Variants in ZDHHC17 observed in about 807,000 individuals in gnomAD.
ZDHHC17 encodes the protein palmitoyltransferase ZDHHC17.
In ZDHHC17, 40 loss-of-function variants were observed where a neutral mutation model predicts 90.3. The ratio of observed to expected loss-of-function variants is 0.44; its 90% CI spans 0.34 to 0.58. The LOEUF (loss-of-function observed/expected upper bound fraction) is 0.58, where lower values mean the gene tolerates loss of function less well. Among genes scored for constraint, ZDHHC17 ranks in the 20% least tolerant of loss-of-function variants. The probability of loss-of-function intolerance (pLI) is 0.01; values close to 1 mark genes in which losing one functional copy is unlikely to be tolerated. For missense variants in ZDHHC17, 614 were observed against 780.8 expected (o/e 0.79, Z 2.55); for synonymous variants, 235 against 252.4 (o/e 0.93, Z 0.65).
intron 5 of ZDHHC17, among the ~76,000 whole-genome samples, chr12:76,810,387 T>G (rs1392692629): frequency 6.6e-6 from 1 of 152,180 alleles, no homozygotes; most frequent in Non-Finnish European, 1.5e-5. Flanking sequence ...AATCATGTTT[T>G]TGTAATAAAC....
At chr12:76,849,578 G>C in intron 16 of ZDHHC17, 108 bp downstream of exon 16, 2 of 638,598 alleles carry the variant, frequency 3.1e-6, no homozygotes, top group Non-Finnish European at 2.6e-6. Flanking sequence ...ACCTTTTTAA[G>C]ATTTCTGTAG....
intron 14 of ZDHHC17, among the ~76,000 whole-genome samples, chr12:76,847,548 T>C (rs1238089766): frequency 1.3e-5 from 2 of 152,256 alleles, no homozygotes; most frequent in East Asian, 1.9e-4. Context: ...GCAGGAGATT[T>C]TGTATTAGGA....
chr12:76,765,125 T>A (rs1286359295), intron 1 of ZDHHC17, among the ~76,000 whole-genome samples: 1 of 152,214 alleles, frequency 6.6e-6, no homozygotes, highest in Non-Finnish European at 1.5e-5. Context: ...TGCATTCTGA[T>A]TTTTAGTGAT....
intron 13 of ZDHHC17, chr12:76,846,390 T>A: frequency 1.9e-6 from 1 of 534,514 alleles, no homozygotes; most frequent in Non-Finnish European, 3.3e-6. Context: ...ACCATTGTCA[T>A]CATTATATCT....
chr12:76,784,654 T>C (rs1952665159), intron 1 of ZDHHC17, among the ~76,000 whole-genome samples: 1 of 152,144 alleles, frequency 6.6e-6, no homozygotes, highest in Non-Finnish European at 1.5e-5. Flanking sequence ...GACTGAAAAA[T>C]TAAAGTTGAG....
In ZDHHC17 at chr12:76,849,323, C is replaced by CAAAAAAAAA. The variant is rs34062414; in HGVS notation, c.1666-43_1666-35dup. On this transcript the variant is annotated intron_variant, in intron 15 of 16. Transcript: ENST00000426126. ...TGGGTGACAGGGCAAGGTCCTGTCT[C>CAAAAAAAAA]AAAAAAAAAAAAAAAAAACAAGAAT... 3,288 of 453,796 alleles carry CAAAAAAAAA rather than the reference C, an allele frequency of 7.2e-3. 47 individuals carry two copies. Among genetic ancestry groups the CAAAAAAAAA allele is most frequent in the African/African-American group, 0.013 (363 of 28,144 alleles). The allele number at this position is 453,796 out of a possible 1,614,324, so 28.1% of individuals were successfully genotyped here.
intron 1 of ZDHHC17, among the ~76,000 whole-genome samples, chr12:76,767,944 C>A (rs1261073428): frequency 6.6e-6 from 1 of 151,836 alleles, no homozygotes; most frequent in African/African-American, 2.4e-5. Flanking sequence ...TGGTGACAAA[C>A]TGAAAATGTA....
intron 2 of ZDHHC17, 110 bp downstream of exon 2, chr12:76,797,647 A>G: frequency 1.2e-6 from 1 of 833,194 alleles, no homozygotes; most frequent in Non-Finnish European, 1.7e-6. Flanking sequence ...TCTCAATTAA[A>G]AAATTAGTTT....
Position 76,848,220 on chromosome 12 carries a change from G to A in ZDHHC17, c.1508-13G>A, listed in dbSNP as rs987052927. 1.4e-5 allele frequency: 23 copies of A among 1,613,582 alleles called. No individual in the cohort carries two copies. Among genetic ancestry groups the A allele is most frequent in the Non-Finnish European group, 1.9e-5 (23 of 1,179,614 alleles). On this transcript the variant is annotated splice_polypyrimidine_tract_variant and intron_variant, in intron 14 of 16. Transcript: ENST00000426126. ...TTATTGAGTAAATACGAGTACTTCT[G>A]TTCTGGCTTTAGACTGGGGACTCCA...
intron 1 of ZDHHC17, among the ~76,000 whole-genome samples, chr12:76,786,288 T>C (rs1031971160): frequency 6.6e-6 from 1 of 151,800 alleles, no homozygotes; most frequent in Non-Finnish European, 1.5e-5. Context: ...ATTTTTATTT[T>C]TATTTATTTT....
In ZDHHC17 at chr12:76,851,893, AC is replaced by A. The variant is rs1953571813; in HGVS notation, c.*909del. The A allele has an allele frequency of 1.3e-5, 2 of 152,660 alleles. No individual in the cohort carries two copies. Among genetic ancestry groups the A allele is most frequent in the South Asian group, 4.1e-4 (2 of 4,836 alleles). The allele number at this position is 152,660 out of a possible 1,614,324, so 9.5% of individuals were successfully genotyped here. The stretch of plus-strand genomic sequence containing the variant: ...CTCAGTAATAGTGATACATGGATAT[AC>A]TTCCTTTTAAATTCTCAGCTGCAAA... On this transcript the variant is annotated 3_prime_UTR_variant, in exon 17 of 17. Transcript: ENST00000426126.
intron 10 of ZDHHC17, among the ~76,000 whole-genome samples, chr12:76,829,209 A>T (rs1482409533): frequency 6.6e-6 from 1 of 152,114 alleles, no homozygotes; most frequent in African/African-American, 2.4e-5. Flanking sequence ...CTGTAATTTC[A>T]GCACTTTGGG....
chr12:76,793,573 A>C (rs953261383), intron 1 of ZDHHC17, among the ~76,000 whole-genome samples: 2 of 152,156 alleles, frequency 1.3e-5, no homozygotes, highest in African/African-American at 2.4e-5. Context: ...TTCCACTTTT[A>C]CCTTGAGGCA....
intron 1 of ZDHHC17, among the ~76,000 whole-genome samples, chr12:76,770,620 A>T (rs1952480501): frequency 6.6e-6 from 1 of 152,138 alleles, no homozygotes; most frequent in Admixed American, 6.5e-5. Context: ...GGTAGTCAGC[A>T]TTGAACAGTT....
At chr12:76,785,480 T>C (rs1030187810) in intron 1 of ZDHHC17, among the ~76,000 whole-genome samples, 7 of 152,214 alleles carry the variant, frequency 4.6e-5, no homozygotes, top group South Asian at 2.1e-4. Context: ...TTAAAAATTA[T>C]AAGTTGAACC....
chr12:76,775,471 ATTTG>A (rs890454066), intron 1 of ZDHHC17, among the ~76,000 whole-genome samples: 2 of 152,160 alleles, frequency 1.3e-5, no homozygotes, highest in Non-Finnish European at 1.5e-5. Flanking sequence ...ACAGTAACTG[ATTTG>A]TTTATCTCCA....
intron 2 of ZDHHC17, among the ~76,000 whole-genome samples, chr12:76,801,701 T>C (rs770813559): frequency 2.6e-5 from 4 of 152,206 alleles, no homozygotes; most frequent in African/African-American, 4.8e-5. Flanking sequence ...TTTGAATTTA[T>C]GTTACTGAAT....
At chr12:76,838,480 T>A (rs1532369) in intron 10 of ZDHHC17, among the ~76,000 whole-genome samples, 92,860 of 151,962 alleles carry the variant, frequency 0.61, 28,433 homozygotes, top group East Asian at 0.67. Context: ...AAGTTGTATG[T>A]CTGCCTTCAG....
rs1171465869 is a variant in ZDHHC17, at chr12:76,853,265, A to G, written c.*2280A>G. 1 of 148,396 alleles carries G rather than the reference A, an allele frequency of 6.7e-6. No homozygotes were observed. Among genetic ancestry groups the G allele is most frequent in the Non-Finnish European group, 1.5e-5 (1 of 65,228 alleles). The allele number at this position is 148,396 out of a possible 1,614,324, so 9.2% of individuals were successfully genotyped here. On this transcript the variant is annotated 3_prime_UTR_variant, in exon 17 of 17. Transcript: ENST00000426126. ...TCAGGAGCCAGCTATGCAGCAGTAT[A>G]CCATCTGTTTAATTATTTTGTAGGT...
Sources: gnomAD v4.1 joint callset for allele counts (sites outside exome capture counted in the v4.1 genomes callset) on GRCh38, gnomAD v4.1.1 for gene constraint, MANE v1.5 for transcripts, NCBI Gene and HGNC (gene_info 2026-07-23, HGNC 2026-07-21) for gene names.